Variants in ARHGAP10 observed in about 807,000 individuals in gnomAD.
The protein encoded by ARHGAP10 is Rho GTPase activating protein 10.
ARHGAP10 carries 87 observed loss-of-function variants against 108.6 expected under a neutral mutation model. That is an observed-to-expected ratio of 0.80 (90% CI 0.67 to 0.96). The LOEUF is 0.96. ARHGAP10 is among the 40% of genes least tolerant of loss of function. The probability of loss-of-function intolerance (pLI) is 0.00; values close to 1 mark genes in which losing one functional copy is unlikely to be tolerated. For missense variants in ARHGAP10, 939 were observed against 954.5 expected (o/e 0.98, Z 0.21); for synonymous variants, 347 against 341.1 (o/e 1.02, Z -0.19).
At position 147,822,893 on chromosome 4, in the gene ARHGAP10, C is replaced by T. The variant is rs185914335; in HGVS notation, c.251-3C>T. On this transcript the variant is annotated splice_region_variant and splice_polypyrimidine_tract_variant and intron_variant, in intron 2 of 22. Transcript: ENST00000336498. ...CCAAATAATCACTCCTTTCTTCTTA[C>T]AGATGCTTCCTTACGTGAATTTTCA... 1.3e-3 allele frequency: 2,040 copies of T among 1,614,016 alleles called. 1 individual carries two copies. Among genetic ancestry groups the T allele is most frequent in the Non-Finnish European group, 1.5e-3 (1,797 of 1,179,912 alleles).
intron 3 of ARHGAP10, among the ~76,000 whole-genome samples, chr4:147,842,990 G>A (rs914527329): frequency 3.9e-5 from 6 of 152,166 alleles, no homozygotes; most frequent in African/African-American, 7.2e-5. Flanking sequence ...TTAGTTGGGC[G>A]TGAAACTTCT....
At chr4:147,859,080 G>A (rs976530494) in intron 5 of ARHGAP10, among the ~76,000 whole-genome samples, 1 of 152,116 alleles carries the variant, frequency 6.6e-6, no homozygotes, top group Non-Finnish European at 1.5e-5. Flanking sequence ...GCTGGGGTCA[G>A]CATAGCATAT....
At chr4:148,061,553 T>A (rs1192122853) in intron 20 of ARHGAP10, among the ~76,000 whole-genome samples, 1 of 152,184 alleles carries the variant, frequency 6.6e-6, no homozygotes, top group Non-Finnish European at 1.5e-5. Context: ...AAATAGATTT[T>A]ATGACTCCCA....
intron 1 of ARHGAP10, among the ~76,000 whole-genome samples, chr4:147,798,200 C>T (rs757632000): frequency 1.1e-4 from 16 of 151,726 alleles, no homozygotes; most frequent in Middle Eastern, 3.4e-3. Context: ...GTGTGTGGAC[C>T]GTTTGTTGTG....
At chr4:147,953,669 T>G (rs1483634171) in intron 15 of ARHGAP10, among the ~76,000 whole-genome samples, 4 of 152,140 alleles carry the variant, frequency 2.6e-5, no homozygotes, top group Non-Finnish European at 5.9e-5. Context: ...TCTGGCTGGA[T>G]TGATCAATTT....
intron 3 of ARHGAP10, among the ~76,000 whole-genome samples, chr4:147,840,547 G>A (rs1204629081): frequency 2.6e-5 from 4 of 152,152 alleles, no homozygotes; most frequent in African/African-American, 9.7e-5. Flanking sequence ...ATGCAGTCGA[G>A]TGCTTACCTT....
In ARHGAP10 at chr4:148,047,028, C is replaced by T. The variant is rs753405782; in HGVS notation, c.2004C>T (p.Ser668=). The T allele has an allele frequency of 6.2e-7, 1 of 1,614,174 alleles. No individual in the cohort carries two copies. The highest frequency in any genetic ancestry group is 2.2e-5 in the East Asian group (1 of 44,880). Residue 668 remains serine, a synonymous_variant, in exon 20 of 23, where the codon AGC becomes AGT. Coordinates refer to ENST00000336498, the MANE Select transcript of ARHGAP10 (RefSeq NM_024605.4). ...DKNHLLADGG[S]FGDWASTIPG... is the part of the protein sequence containing the mutation. ...ACCACCTTCTGGCAGATGGAGGGAG[C>T]TTTGGAGACTGGGCATCCACTATGT...
chr4:147,907,262 G>A (rs542257000), intron 11 of ARHGAP10, among the ~76,000 whole-genome samples: 1 of 152,316 alleles, frequency 6.6e-6, no homozygotes, highest in Admixed American at 6.5e-5. Flanking sequence ...GAGGCACCAA[G>A]ATTCAGTCTG....
chr4:147,967,762 A>G (rs1390379712), intron 18 of ARHGAP10, among the ~76,000 whole-genome samples: 8 of 152,108 alleles, frequency 5.3e-5, no homozygotes. Flanking sequence ...GGGATCTGCA[A>G]GGCTTTTCTG....
At chr4:147,954,517 T>G (rs752414929) in intron 15 of ARHGAP10, among the ~76,000 whole-genome samples, 41 of 152,196 alleles carry the variant, frequency 2.7e-4, no homozygotes, top group Non-Finnish European at 5.2e-4. Flanking sequence ...ATCTTTGATT[T>G]TTTTTTTAAA....
At chr4:147,874,908 A>C in intron 7 of ARHGAP10, 113 bp from the exon 8 acceptor site, 1 of 1,170,402 alleles carries the variant, frequency 8.5e-7, no homozygotes, top group Non-Finnish European at 1.1e-6. Flanking sequence ...AATTTATAAA[A>C]AAGTTATTTA....
At chr4:148,057,909 G>A (rs1007062107) in intron 20 of ARHGAP10, among the ~76,000 whole-genome samples, 9 of 152,194 alleles carry the variant, frequency 5.9e-5, no homozygotes, top group African/African-American at 1.7e-4. Flanking sequence ...GGTCTACTCC[G>A]AACCTTCCTG....
At chr4:147,773,312 A>T (rs185221500) in intron 1 of ARHGAP10, among the ~76,000 whole-genome samples, 1 of 152,202 alleles carries the variant, frequency 6.6e-6, no homozygotes, top group Non-Finnish European at 1.5e-5. Context: ...CACCCAGTTC[A>T]TCACAAGTTA....
At chr4:147,885,530 G>A (rs180913350) in intron 10 of ARHGAP10, among the ~76,000 whole-genome samples, 1 of 152,284 alleles carries the variant, frequency 6.6e-6, no homozygotes, top group East Asian at 1.9e-4. Context: ...AGACTTGGGT[G>A]GGGACACAGC....
chr4:148,064,154 G>A (rs1006310632), intron 21 of ARHGAP10, among the ~76,000 whole-genome samples: 1 of 152,206 alleles, frequency 6.6e-6, no homozygotes, highest in Admixed American at 6.5e-5. Flanking sequence ...CCACCAGGTA[G>A]GGAGGAGAAT....
At chr4:148,039,702 G>C (rs1389793252) in intron 19 of ARHGAP10, among the ~76,000 whole-genome samples, 1 of 151,708 alleles carries the variant, frequency 6.6e-6, no homozygotes, top group Non-Finnish European at 1.5e-5. Flanking sequence ...TTTCCATATG[G>C]GTGCTTTTTT....
chr4:148,019,903 C>T (rs911727410), intron 18 of ARHGAP10, among the ~76,000 whole-genome samples: 36 of 152,248 alleles, frequency 2.4e-4, no homozygotes, highest in African/African-American at 8.4e-4. Context: ...GATAGCTTAG[C>T]TTTCTGAAAT....
At chr4:148,034,671 G>GAGGAAT (rs1728296475) in intron 19 of ARHGAP10, among the ~76,000 whole-genome samples, 1 of 152,080 alleles carries the variant, frequency 6.6e-6, no homozygotes. Flanking sequence ...TCTTAGATGA[G>GAGGAAT]AGGAATAGGG....
At chr4:148,034,043 C>G (rs554573490) in intron 19 of ARHGAP10, among the ~76,000 whole-genome samples, 60 of 152,282 alleles carry the variant, frequency 3.9e-4, no homozygotes, top group African/African-American at 1.3e-3. Flanking sequence ...CAGCAAATCT[C>G]TCTCTAAGCC....
Sources: allele counts gnomAD v4.1 joint callset (sites outside exome capture counted in the v4.1 genomes callset), GRCh38; gene constraint gnomAD v4.1.1; transcripts MANE v1.5; gene names NCBI Gene and HGNC (gene_info 2026-07-23, HGNC 2026-07-21).